Variants in KYNU observed in about 807,000 individuals in gnomAD.
KYNU encodes the protein L-kynurenine hydrolase.
In KYNU, 54 loss-of-function variants were observed where a neutral mutation model predicts 59.2. The observed-to-expected ratio is 0.91, with a 90% CI of 0.73 to 1.14. The LOEUF is 1.14. Among genes scored for constraint, KYNU ranks in the 50% most tolerant of loss-of-function variants. The probability of loss-of-function intolerance (pLI) is 0.00; values close to 1 mark genes in which losing one functional copy is unlikely to be tolerated. For synonymous variants in KYNU, 177 were observed against 192.0 expected (o/e 0.92, Z 0.65); for missense variants, 567 against 554.4 (o/e 1.02, Z -0.23).
chr2:142,977,773 G>A (rs976890967), intron 8 of KYNU, among the ~76,000 whole-genome samples: 1 of 152,058 alleles, frequency 6.6e-6, no homozygotes, highest in Non-Finnish European at 1.5e-5. Flanking sequence ...AACATAATAT[G>A]CAAATAATGC....
At chr2:143,008,337 C>T (rs1199807112) in intron 10 of KYNU, among the ~76,000 whole-genome samples, 1 of 114,268 alleles carries the variant, frequency 8.8e-6, no homozygotes, top group Non-Finnish European at 1.7e-5. Context: ...GTAAAGGGAT[C>T]AATTCAACAA....
In KYNU at chr2:143,051,534, T is replaced by C. The variant is rs906718503; in HGVS notation, c.*9362T>C. 4 of 152,148 alleles carry C rather than the reference T, an allele frequency of 2.6e-5. No individual in the cohort carries two copies. Among genetic ancestry groups the C allele is most frequent in the African/African-American group, 9.7e-5 (4 of 41,442 alleles). The allele number at this position is 152,148 out of a possible 1,614,324, so 9.4% of individuals were successfully genotyped here. On this transcript the variant is annotated 3_prime_UTR_variant, in exon 14 of 14. Coordinates refer to ENST00000264170, the MANE Select transcript of KYNU (RefSeq NM_003937.3). Reference sequence around the variant, plus strand: ...GTTTTATTTAACTTGTTTGATTTTGTAGTTTTATCTTTGTGGGAAGGACCT... The same window carrying C: ...GTTTTATTTAACTTGTTTGATTTTGCAGTTTTATCTTTGTGGGAAGGACCT...
chr2:142,985,269 A>C (rs1685166820), intron 9 of KYNU, 87 bp downstream of exon 9: 3 of 815,430 alleles, frequency 3.7e-6, no homozygotes, highest in Non-Finnish European at 6.5e-6. Context: ...CCAATTTTAA[A>C]GATTTGAGTT....
intron 2 of KYNU, among the ~76,000 whole-genome samples, chr2:142,910,454 C>T (rs1320610165): frequency 6.6e-6 from 1 of 152,008 alleles, no homozygotes; most frequent in Admixed American, 6.6e-5. Context: ...TGCTTAAATT[C>T]CTTATAGAGT....
intron 2 of KYNU, among the ~76,000 whole-genome samples, chr2:142,915,169 G>A (rs1036150968): frequency 6.6e-6 from 1 of 152,198 alleles, no homozygotes; most frequent in African/African-American, 2.4e-5. Flanking sequence ...GAGGTGGGAA[G>A]TGGTGGTAGT....
At chr2:142,983,888 G>GT (rs1289897795) in intron 8 of KYNU, among the ~76,000 whole-genome samples, 1 of 151,968 alleles carries the variant, frequency 6.6e-6, no homozygotes, top group Non-Finnish European at 1.5e-5. Flanking sequence ...AAGACAGCTG[G>GT]TTTTTTATAC....
At chr2:142,919,740 C>A (rs1682808276) in intron 3 of KYNU, among the ~76,000 whole-genome samples, 1 of 151,932 alleles carries the variant, frequency 6.6e-6, no homozygotes, top group South Asian at 2.1e-4. Context: ...TTGAGACCAG[C>A]CTGGCCAACG....
At chr2:142,884,213 G>A (rs1266665252) in intron 1 of KYNU, among the ~76,000 whole-genome samples, 1 of 152,176 alleles carries the variant, frequency 6.6e-6, no homozygotes, top group Non-Finnish European at 1.5e-5. Flanking sequence ...AATAAATATG[G>A]TGTTGAAAGG....
intron 2 of KYNU, among the ~76,000 whole-genome samples, chr2:142,905,220 C>T (rs1682250366): frequency 6.9e-6 from 1 of 144,548 alleles, no homozygotes; most frequent in African/African-American, 2.7e-5. Flanking sequence ...GAGAGGGATC[C>T]TGTTTATCTT....
intron 3 of KYNU, among the ~76,000 whole-genome samples, chr2:142,921,214 G>T (rs1682872029): frequency 6.6e-6 from 1 of 152,128 alleles, no homozygotes; most frequent in South Asian, 2.1e-4. Flanking sequence ...GTTTCTATTG[G>T]GTTTTTTCAT....
intron 2 of KYNU, among the ~76,000 whole-genome samples, chr2:142,889,728 A>C (rs550513958): frequency 6.6e-6 from 1 of 152,362 alleles, no homozygotes; most frequent in South Asian, 2.1e-4. Flanking sequence ...TTCCAAGAGC[A>C]TCTAAAAATG....
intron 7 of KYNU, among the ~76,000 whole-genome samples, chr2:142,958,856 AT>A (rs1684251186): frequency 6.6e-6 from 1 of 152,152 alleles, no homozygotes; most frequent in Non-Finnish European, 1.5e-5. Flanking sequence ...TATCTATAAT[AT>A]TTTCCTTACC....
chr2:142,902,852 T>C (rs747310477), intron 2 of KYNU, among the ~76,000 whole-genome samples: 2 of 152,200 alleles, frequency 1.3e-5, no homozygotes, highest in Non-Finnish European at 1.5e-5. Flanking sequence ...TCTTAACCCT[T>C]GGGGTAAAAC....
chr2:142,904,356 G>A (rs1682210022), intron 2 of KYNU, among the ~76,000 whole-genome samples: 1 of 152,128 alleles, frequency 6.6e-6, no homozygotes, highest in Admixed American at 6.5e-5. Context: ...TCCCAATGAG[G>A]GTCTACACTG....
At chr2:142,948,884 A>C (rs1683888378) in intron 4 of KYNU, among the ~76,000 whole-genome samples, 3 of 152,230 alleles carry the variant, frequency 2.0e-5, no homozygotes, top group Admixed American at 2.0e-4. Context: ...CCAAAGTCTC[A>C]TCTGAGACAA....
chr2:143,017,444 T>TTC lies in KYNU; in HGVS notation c.903-12182_903-12181insCT, dbSNP rs1206650989. Among the ~76,000 whole-genome samples, 5 of 137,706 alleles carry TTC rather than the reference T, an allele frequency of 3.6e-5. No homozygotes were observed. In the South Asian group the frequency reaches 7.3e-4, roughly 20 times the overall value. The allele number at this position is 137,706 out of a possible 152,430, so 90.3% of individuals were successfully genotyped here. On this transcript the variant is annotated intron_variant, in intron 10 of 13. Coordinates refer to ENST00000264170, the MANE Select transcript of KYNU (RefSeq NM_003937.3). The stretch of plus-strand genomic sequence containing the variant: ...TTTTCTCTCTTTTTTCTTTTTTTTT[T>TTC]TTTTTTTTTTTTTTGAGATGGAGTT...
In KYNU at chr2:142,938,623, CA is replaced by C. The variant is rs1312276828; in HGVS notation, c.373+10885del. On this transcript the variant is annotated intron_variant, in intron 4 of 13. Transcript: ENST00000264170. ...ACTATGCACAGAGAAACCTTTAAGC[CA>C]AACTTGAAATATGTAAGTAGATAGC... is the stretch of plus-strand genomic sequence containing the variant. 5.3e-5 allele frequency among the ~76,000 whole-genome samples: 8 copies of C among 152,096 alleles called. No individual in the cohort carries two copies. The East Asian group carries it at 1.5e-3, about 29-fold the overall frequency.
intron 1 of KYNU, chr2:142,879,329 A>G (rs965655246): frequency 1.3e-5 from 2 of 152,234 alleles, no homozygotes; most frequent in Non-Finnish European, 2.9e-5. Flanking sequence ...CCCATCAGGT[A>G]TCTCAAGGTA....
chr2:142,972,724 GT>G (rs1241450990), intron 8 of KYNU, among the ~76,000 whole-genome samples: 1 of 150,260 alleles, frequency 6.7e-6, no homozygotes, highest in Non-Finnish European at 1.5e-5. Flanking sequence ...CCACAGTATT[GT>G]CTTGTCTATA....
Sources: gnomAD v4.1 joint callset for allele counts (sites outside exome capture counted in the v4.1 genomes callset) on GRCh38, gnomAD v4.1.1 for gene constraint, MANE v1.5 for transcripts, NCBI Gene and HGNC (gene_info 2026-07-23, HGNC 2026-07-21) for gene names.